SEMA6D: variants seen among roughly 807,000 people sequenced by gnomAD.
The protein encoded by SEMA6D is semaphorin 6D.
A neutral mutation model predicts 106.6 loss-of-function variants in SEMA6D; 35 were observed. That is an observed-to-expected ratio of 0.33 (90% CI 0.25 to 0.44). The LOEUF (loss-of-function observed/expected upper bound fraction) is 0.44. SEMA6D is among the 20% of genes least tolerant of loss of function. The pLI, the probability that SEMA6D is intolerant of heterozygous loss-of-function variation, is 1.00. For missense variants in SEMA6D, 1,185 were observed against 1,345.9 expected, an observed-to-expected ratio of 0.88 and a Z score of 1.87; for synonymous variants, 499 against 487.7, an observed-to-expected ratio of 1.02 and a Z score of -0.31.
intron 4 of SEMA6D, among the ~76,000 whole-genome samples, chr15:47,688,456 T>G (rs1224999944): frequency 6.6e-6 from 1 of 152,054 alleles, no homozygotes; most frequent in Non-Finnish European, 1.5e-5. Flanking sequence ...TGGAATAAAA[T>G]TATTATGTCT....
intron 3 of SEMA6D, among the ~76,000 whole-genome samples, chr15:47,494,448 G>A (rs901377950): frequency 1.3e-5 from 2 of 151,756 alleles, no homozygotes; most frequent in Non-Finnish European, 2.9e-5. Context: ...TTTCTAAGCA[G>A]CATTAAAATC....
chr15:47,364,115 C>CTAA (rs2038917609), intron 1 of SEMA6D, among the ~76,000 whole-genome samples: 3 of 152,152 alleles, frequency 2.0e-5, no homozygotes, highest in Non-Finnish European at 2.9e-5. Context: ...TAAATTAAGA[C>CTAA]ATTGACTTTT....
In SEMA6D at chr15:47,405,286, A is replaced by C. The variant is rs574827750; in HGVS notation, c.-238-7107A>C. On this transcript the variant is annotated intron_variant, in intron 1 of 19. Transcript: ENST00000558014. ...GCATGAGCTTAGTGTTTCTGAACAA[A>C]ATTTGGAGAGCTGGTGGGGAAGGAT... Among the ~76,000 whole-genome samples, 10 of 152,102 alleles carry C rather than the reference A, an allele frequency of 6.6e-5. No individual in the cohort carries two copies. In the East Asian group the frequency reaches 1.9e-3, roughly 29 times the overall value.
At chr15:47,412,720 T>C (rs1305134044) in intron 2 of SEMA6D, among the ~76,000 whole-genome samples, 2 of 152,120 alleles carry the variant, frequency 1.3e-5, no homozygotes, top group Non-Finnish European at 2.9e-5. Context: ...TTGGACTAAG[T>C]GGAGGAAATG....
intron 4 of SEMA6D, among the ~76,000 whole-genome samples, chr15:47,684,584 A>G (rs906798261): frequency 6.6e-6 from 1 of 152,192 alleles, no homozygotes; most frequent in South Asian, 2.1e-4. Context: ...GGAGTTTATA[A>G]TAATGCCCAG....
chr15:47,599,690 A>T (rs1220506822), intron 3 of SEMA6D, among the ~76,000 whole-genome samples: 1 of 151,998 alleles, frequency 6.6e-6, no homozygotes, highest in Admixed American at 6.6e-5. Flanking sequence ...ATTTTCTTGT[A>T]TTTTTGAAAT....
rs556581232 is a variant in SEMA6D at position 47,510,672 on chromosome 15, C to A, written c.-87+40127C>A. Among the ~76,000 whole-genome samples, 5 of 152,262 alleles carry A rather than the reference C, an allele frequency of 3.3e-5. No individual in the cohort carries two copies. In the South Asian group the frequency reaches 1.0e-3, roughly 32 times the overall value. ...GAATGCACAGGTGCAGTGTGAGGTGCAGCAGTAAGTGCCACAGGAAATCAG... is the reference window on the plus strand; with the variant it reads ...GAATGCACAGGTGCAGTGTGAGGTGAAGCAGTAAGTGCCACAGGAAATCAG... On this transcript the variant is annotated intron_variant, in intron 3 of 19. Coordinates refer to the SEMA6D transcript ENST00000558014.
chr15:47,384,031 A>C (rs7174964), intron 1 of SEMA6D, among the ~76,000 whole-genome samples: 33,427 of 152,110 alleles, frequency 0.22, 3,951 homozygotes, highest in Middle Eastern at 0.33. Context: ...TACCCAGTTT[A>C]ATTTTTGGCT....
intron 2 of SEMA6D, among the ~76,000 whole-genome samples, chr15:47,453,442 A>G (rs2042252481): frequency 6.6e-6 from 1 of 152,040 alleles, no homozygotes; most frequent in African/African-American, 2.4e-5. Flanking sequence ...AACAGCTATT[A>G]AAATGATAGC....
chr15:47,629,367 G>A (rs146696542), intron 4 of SEMA6D, among the ~76,000 whole-genome samples: 15 of 152,066 alleles, frequency 9.9e-5, no homozygotes, highest in African/African-American at 3.6e-4. Flanking sequence ...AATTTAGAAA[G>A]AATTGATATT....
intron 3 of SEMA6D, among the ~76,000 whole-genome samples, chr15:47,548,038 G>A (rs778373734): frequency 6.6e-6 from 1 of 152,146 alleles, no homozygotes; most frequent in Non-Finnish European, 1.5e-5. Context: ...TGGTATCCCT[G>A]TGTCTTTTCA....
intron 1 of SEMA6D, among the ~76,000 whole-genome samples, chr15:47,233,452 C>T (rs575445823): frequency 6.6e-6 from 1 of 152,098 alleles, no homozygotes; most frequent in African/African-American, 2.4e-5. Flanking sequence ...TTAGAATTAG[C>T]TTGCCAATTT....
chr15:47,245,065 T>C (rs1447765492), intron 1 of SEMA6D, among the ~76,000 whole-genome samples: 1 of 151,844 alleles, frequency 6.6e-6, no homozygotes, highest in African/African-American at 2.4e-5. Context: ...TATTCCATGG[T>C]ATATACTTAC....
intron 3 of SEMA6D, among the ~76,000 whole-genome samples, chr15:47,485,455 G>A (rs1250638152): frequency 6.6e-6 from 1 of 151,974 alleles, no homozygotes; most frequent in African/African-American, 2.4e-5. Flanking sequence ...AGATCACCAG[G>A]AACAGGCACA....
chr15:47,761,681 T>C lies in SEMA6D; in HGVS notation c.468T>C (p.Asp156=), dbSNP rs2147723834. Residue 156 remains aspartate, a synonymous_variant, in exon 7 of 19, where the codon GAT becomes GAC. Transcript: ENST00000536845. ...TGTAGTTGAGTACCTTAGAATATGA[T>C]GGGGAAGAAATTAGTGGCCTGGCAA... The part of the protein sequence containing the change: ...RYYRLSTLEY[D]GEEISGLARC... 6.2e-7 allele frequency: 1 copy of C among 1,613,278 alleles called. No homozygotes were observed. The highest frequency in any genetic ancestry group is 1.7e-4 in the Middle Eastern group (1 of 6,052).
At chr15:47,545,864 C>T (rs1241085798) in intron 3 of SEMA6D, among the ~76,000 whole-genome samples, 1 of 152,092 alleles carries the variant, frequency 6.6e-6, no homozygotes, top group Non-Finnish European at 1.5e-5. Flanking sequence ...CCTAATCCAT[C>T]TGCCCTCCTT....
At chr15:47,704,909 T>G (rs1461972122) in intron 4 of SEMA6D, among the ~76,000 whole-genome samples, 2 of 152,212 alleles carry the variant, frequency 1.3e-5, no homozygotes, top group Admixed American at 6.5e-5. Context: ...AATTATCCTA[T>G]TCTAGTTTTG....
intron 1 of SEMA6D, among the ~76,000 whole-genome samples, chr15:47,334,135 T>C (rs923853370): frequency 1.3e-5 from 2 of 152,202 alleles, no homozygotes; most frequent in Non-Finnish European, 2.9e-5. Context: ...GTACTGGATT[T>C]GCAGAGCTTC....
chr15:47,194,119 G>A (rs1365300972), intron 1 of SEMA6D, among the ~76,000 whole-genome samples: 3 of 151,788 alleles, frequency 2.0e-5, no homozygotes, highest in Non-Finnish European at 4.4e-5. Context: ...GGGTGGATGG[G>A]TGGATGGGTG....
Sources: gnomAD v4.1 joint callset for allele counts (sites outside exome capture counted in the v4.1 genomes callset) on GRCh38, gnomAD v4.1.1 for gene constraint, MANE v1.5 for transcripts, NCBI Gene and HGNC (gene_info 2026-07-23, HGNC 2026-07-21) for gene names.